WNT4: variants seen among roughly 807,000 people sequenced by gnomAD.
The protein encoded by WNT4 is protein Wnt-4.
Under a neutral mutation model 34.5 loss-of-function variants are expected in WNT4, and 16 were observed. The ratio of observed to expected loss-of-function variants is 0.46; its 90% confidence interval spans 0.31 to 0.70. The LOEUF (loss-of-function observed/expected upper bound fraction) is 0.70, where lower values mean the gene tolerates loss of function less well. Ranked by LOEUF, WNT4 falls within the 30% of genes least tolerant of loss-of-function variation. The pLI is 0.04. For synonymous variants in WNT4, 200 were observed against 211.9 expected (o/e 0.94, Z 0.49); for missense variants, 379 against 495.9 (o/e 0.76, Z 2.24).
intron 2 of WNT4, among the ~76,000 whole-genome samples, 184 bp from the exon 3 acceptor site, chr1:22,121,760 C>T (rs1406576426): frequency 1.3e-5 from 2 of 152,240 alleles, no homozygotes; most frequent in Non-Finnish European, 2.9e-5. Context: ...GCTGAATCTG[C>T]TTCCTTTACC....
At chr1:22,136,636 AGGGCTGCTGTCAGCGGCTGCG>A (rs769227020) in intron 1 of WNT4, among the ~76,000 whole-genome samples, 63 of 152,292 alleles carry the variant, frequency 4.1e-4, no homozygotes, top group African/African-American at 1.3e-3. Context: ...GCAGGGCTGC[AGGGCTGCTGTCAGCGGCTGCG>A]GGAACAGCTC....
intron 1 of WNT4, among the ~76,000 whole-genome samples, chr1:22,141,911 C>G (rs942267516): frequency 2.0e-5 from 3 of 152,234 alleles, no homozygotes; most frequent in African/African-American, 7.2e-5. Context: ...TGGCTCCCCA[C>G]TGGCTGCCCA....
At chr1:22,132,373 G>A (rs1645990857) in intron 1 of WNT4, among the ~76,000 whole-genome samples, 1 of 152,184 alleles carries the variant, frequency 6.6e-6, no homozygotes, top group Non-Finnish European at 1.5e-5. Context: ...GGGTTCTCTG[G>A]GCAGGGGGGG....
chr1:22,121,696 A>G, intron 2 of WNT4, 120 bp from the exon 3 acceptor site: 1 of 1,482,144 alleles, frequency 6.7e-7, no homozygotes. Context: ...GGAGCAAGAC[A>G]GGCAGAAATC....
At chr1:22,130,419 C>G (rs778328564) in intron 1 of WNT4, among the ~76,000 whole-genome samples, 5 of 152,190 alleles carry the variant, frequency 3.3e-5, no homozygotes, top group African/African-American at 4.8e-5. Context: ...CAGTGATGGG[C>G]TAGAGGTCTA....
intron 4 of WNT4, 58 bp from the exon 5 acceptor site, chr1:22,120,575 G>C: frequency 6.5e-7 from 1 of 1,530,794 alleles, no homozygotes; most frequent in Non-Finnish European, 8.9e-7. Context: ...AGGCAGGGGA[G>C]GGCCGCGGAG....
At chr1:22,132,894 G>A (rs1645995071) in intron 1 of WNT4, among the ~76,000 whole-genome samples, 2 of 152,264 alleles carry the variant, frequency 1.3e-5, no homozygotes, top group South Asian at 2.1e-4. Context: ...GCAGGGCTGG[G>A]TGCCAGGGCT....
At chr1:22,126,614 T>A (rs1645942387) in intron 2 of WNT4, among the ~76,000 whole-genome samples, 1 of 152,116 alleles carries the variant, frequency 6.6e-6, no homozygotes, top group Non-Finnish European at 1.5e-5. Context: ...CCGGGGTGGG[T>A]CTGGTCTGGC....
In WNT4 at chr1:22,142,187, G is replaced by A. The variant is rs1320105679; in HGVS notation, c.77+659C>T. On this transcript the variant is annotated intron_variant, in intron 1 of 4. Transcript: ENST00000290167. The surrounding 1 kb of genome is among the most constrained non-coding windows in gnomAD (Gnocchi z 6.0). Reference sequence around the variant, plus strand: ...ACCCCTTCCTCCTTAGGCTAGACACGGGGAGCTGGGGGGCCGTTGTCTTCT... The same window carrying A: ...ACCCCTTCCTCCTTAGGCTAGACACAGGGAGCTGGGGGGCCGTTGTCTTCT... 6.6e-6 allele frequency among the ~76,000 whole-genome samples: 1 copy of A among 152,156 alleles called. No individual in the cohort carries two copies. Among genetic ancestry groups the A allele is most frequent in the Non-Finnish European group, 1.5e-5 (1 of 68,024 alleles).
At position 22,120,359 on chromosome 1, in the gene WNT4, C is replaced by T. The variant is rs761338261; in HGVS notation, c.747G>A (p.Val249=). 2 of 1,614,224 alleles carry T rather than the reference C, an allele frequency of 1.2e-6. No homozygotes were observed. Among genetic ancestry groups the T allele is most frequent in the South Asian group, 2.2e-5 (2 of 91,088 alleles). The change falls in exon 5 of 5, where the codon GTG becomes GTA. Residue 249 remains valine, a synonymous_variant. Coordinates refer to ENST00000290167, the MANE Select transcript of WNT4 (RefSeq NM_030761.5). ...GTGGCACCAGTGCCCTGGAGGAGCC[C>T]ACGCGGCGTGGCTCCACCTCAGTGG... ...DGATEVEPRR[V]GSSRALVPRN... is the part of the protein sequence containing the mutation.
intron 2 of WNT4, among the ~76,000 whole-genome samples, chr1:22,126,094 C>G (rs1295831190): frequency 6.6e-6 from 1 of 152,240 alleles, no homozygotes; most frequent in Non-Finnish European, 1.5e-5. Context: ...CACCGATCCC[C>G]GCCCTCCCGG....
rs369766650 is a variant in WNT4 at position 22,129,620 on chromosome 1, C to T, written c.309G>A (p.Thr103=). ...DSLPVFGKVV[T]QGTREAAFVY... ...CCCCGCACGCCCTTCCCTCACCTTG[C>T]GTCACCACCTTGCCGAAGACGGGCA... The change falls in exon 2 of 5, where the codon ACG becomes ACA. Residue 103 remains threonine, a synonymous_variant. Transcript: ENST00000290167. 42 of 1,613,038 alleles carry T rather than the reference C, an allele frequency of 2.6e-5. No homozygotes were observed. The highest frequency in any genetic ancestry group is 3.2e-5 in the Non-Finnish European group (38 of 1,179,836).
At position 22,142,417 on chromosome 1, in the gene WNT4, G is replaced by C. The variant is rs1399961356; in HGVS notation, c.77+429C>G. 6.6e-6 allele frequency among the ~76,000 whole-genome samples: 1 copy of C among 152,174 alleles called. No homozygotes were observed. The highest frequency in any genetic ancestry group is 1.5e-5 in the Non-Finnish European group (1 of 68,034). On this transcript the variant is annotated intron_variant, in intron 1 of 4. Coordinates refer to ENST00000290167, the MANE Select transcript of WNT4 (RefSeq NM_030761.5). This position sits in a 1 kb window ranked among gnomAD's most constrained non-coding sequence, Gnocchi z 6.0. ...AGCTCGGCGCAGCTCGGCGCTGGGAGCTCGCTCCGGACTTCTCGGGATTAA... is the reference window on the plus strand; with the variant it reads ...AGCTCGGCGCAGCTCGGCGCTGGGACCTCGCTCCGGACTTCTCGGGATTAA...
At chr1:22,138,475 A>G (rs1252021066) in intron 1 of WNT4, among the ~76,000 whole-genome samples, 1 of 152,024 alleles carries the variant, frequency 6.6e-6, no homozygotes, top group Non-Finnish European at 1.5e-5. Context: ...GTTACTGGCT[A>G]TCTAGCCGGT....
intron 2 of WNT4, 61 bp from the exon 3 acceptor site, chr1:22,121,637 G>A (rs1195856201): frequency 6.3e-7 from 1 of 1,589,192 alleles, no homozygotes; most frequent in East Asian, 2.3e-5. Context: ...ACCCTCCTTT[G>A]TAGAGGGGGA....
chr1:22,120,589 G>T, intron 4 of WNT4, 72 bp from the exon 5 acceptor site: 1 of 1,481,958 alleles, frequency 6.7e-7, no homozygotes, highest in Non-Finnish European at 9.2e-7. Flanking sequence ...CGCGGAGGCT[G>T]ACAGCCGAGC....
intron 2 of WNT4, among the ~76,000 whole-genome samples, chr1:22,126,691 G>A (rs1645943001): frequency 6.6e-6 from 1 of 152,230 alleles, no homozygotes; most frequent in Non-Finnish European, 1.5e-5. Context: ...GCAGGCTCCG[G>A]CCATGCCCCC....
rs756450931 is a variant in WNT4 at position 22,120,499 on chromosome 1, G to T, written c.607C>A (p.Arg203=). ...AGRKAILTHM[R]VECKCHGVSG... ...ACCCCGTGGCACTTGCATTCCACCC[G>T]CATGTGTGTCAGGATGGCCTGTGGG... is the stretch of plus-strand genomic sequence containing the variant. The change falls in exon 5 of 5, where the codon CGG becomes AGG. Residue 203 remains arginine (R), a synonymous_variant. Transcript: ENST00000290167. 6.8e-6 allele frequency: 11 copies of T among 1,612,556 alleles called. No homozygotes were observed. The highest frequency in any genetic ancestry group is 9.3e-6 in the Non-Finnish European group (11 of 1,179,636).
chr1:22,120,621 G>T, intron 4 of WNT4, 104 bp from the exon 5 acceptor site: 1 of 1,187,928 alleles, frequency 8.4e-7, no homozygotes, highest in Non-Finnish European at 1.2e-6. Flanking sequence ...TGGGGCTGAC[G>T]CTGCAGTCAG....
Sources: gnomAD v4.1 joint callset for allele counts (sites outside exome capture counted in the v4.1 genomes callset) on GRCh38, gnomAD v4.1.1 for gene constraint, Gnocchi (gnomAD v3.1) non-coding constraint, MANE v1.5 for transcripts, NCBI Gene and HGNC (gene_info 2026-07-23, HGNC 2026-07-21) for gene names.